BTBD10: variants seen among roughly 807,000 people sequenced by gnomAD.
BTBD10 encodes the protein BTB/POZ domain-containing protein 10.
In BTBD10, 21 loss-of-function variants were observed where a neutral mutation model predicts 53.2. That is an observed-to-expected ratio of 0.39 (90% CI 0.28 to 0.57). The LOEUF is 0.57. BTBD10 is among the 20% of genes least tolerant of loss of function. BTBD10 has a pLI of 0.53. For synonymous variants in BTBD10, 149 were observed against 192.7 expected (o/e 0.77, Z 1.88); for missense variants, 360 against 594.7 (o/e 0.61, Z 4.10).
chr11:13,413,700 G>A, intron 5 of BTBD10, 50 bp from the exon 6 acceptor site: 1 of 1,521,140 alleles, frequency 6.6e-7, no homozygotes, highest in Non-Finnish European at 8.8e-7. Context: ...GCATAAGGTA[G>A]CCAAAACTTA....
At chr11:13,459,046 T>A (rs7103220) in intron 1 of BTBD10, among the ~76,000 whole-genome samples, 7,412 of 130,568 alleles carry the variant, frequency 0.057, 274 homozygotes, top group African/African-American at 0.12. Context: ...TTATTTATTT[T>A]TTTATTTATT....
At chr11:13,462,829 C>G (rs2134077244) in intron 1 of BTBD10, 1 of 152,384 alleles carries the variant, frequency 6.6e-6, no homozygotes, top group African/African-American at 2.4e-5. Flanking sequence ...GCCTTCATCC[C>G]CGGAGAAAGG....
intron 2 of BTBD10, among the ~76,000 whole-genome samples, chr11:13,443,127 G>A (rs1035455064): frequency 2.0e-5 from 3 of 152,026 alleles, no homozygotes; most frequent in Non-Finnish European, 4.4e-5. Flanking sequence ...AGCGGTGCAT[G>A]CCTGTAGTCC....
intron 2 of BTBD10, among the ~76,000 whole-genome samples, chr11:13,444,473 A>T (rs1299943832): frequency 6.6e-6 from 1 of 152,192 alleles, no homozygotes; most frequent in Non-Finnish European, 1.5e-5. Context: ...TGAAAGTTTT[A>T]AAAATAATAG....
intron 1 of BTBD10, among the ~76,000 whole-genome samples, chr11:13,459,046 T>TTTATTTA (rs1565277434): frequency 1.2e-4 from 16 of 130,652 alleles, no homozygotes; most frequent in African/African-American, 4.5e-4. Context: ...TTATTTATTT[T>TTTATTTA]TTTATTTATT....
At chr11:13,423,161 T>G (rs757749886) in intron 2 of BTBD10, among the ~76,000 whole-genome samples, 2 of 152,132 alleles carry the variant, frequency 1.3e-5, no homozygotes, top group Non-Finnish European at 2.9e-5. Flanking sequence ...AGAAAACTGA[T>G]GATAATAAAA....
At chr11:13,427,766 A>G (rs745769685) in intron 2 of BTBD10, among the ~76,000 whole-genome samples, 1 of 152,204 alleles carries the variant, frequency 6.6e-6, no homozygotes, top group Non-Finnish European at 1.5e-5. Flanking sequence ...ATTTAATCAT[A>G]CAAAGTATGT....
chr11:13,438,848 A>C (rs1950594033), intron 2 of BTBD10, among the ~76,000 whole-genome samples: 2 of 152,036 alleles, frequency 1.3e-5, no homozygotes. Context: ...TATCCTATAA[A>C]GTATAAGATT....
At chr11:13,414,364 C>A (rs1430073568) in intron 5 of BTBD10, among the ~76,000 whole-genome samples, 1 of 152,110 alleles carries the variant, frequency 6.6e-6, no homozygotes, top group Non-Finnish European at 1.5e-5. Context: ...AAAATTAAGA[C>A]CTGGCTCAGC....
chr11:13,404,023 G>C (rs1443203004), intron 7 of BTBD10, among the ~76,000 whole-genome samples: 1 of 151,966 alleles, frequency 6.6e-6, no homozygotes, highest in Non-Finnish European at 1.5e-5. Context: ...GAACTGCAAA[G>C]GTTTTTTCAA....
Position 13,389,022 on chromosome 11 carries a change from G to A in BTBD10, c.1237C>T (p.Arg413Trp). ...TTTACACACTGAAAGTCTACATGCC[G>A]ACTCTTTCCTTCTTCCTTCTCCCAG... The part of the protein sequence containing the change: ...MSWEKEEGKS[R>W]HVDFQCVKSK... Residue 413 changes from arginine to tryptophan, a missense_variant, in exon 9 of 9, where the codon CGG becomes TGG. Arg to Trp is a moderately radical substitution (Grantham distance 101, BLOSUM62 -3). Transcript: ENST00000278174. The A allele has an allele frequency of 6.2e-7, 1 of 1,614,016 alleles. No individual in the cohort carries two copies. The highest frequency in any genetic ancestry group is 8.5e-7 in the Non-Finnish European group (1 of 1,180,042).
At chr11:13,393,998 A>C (rs1949472222) in intron 8 of BTBD10, among the ~76,000 whole-genome samples, 1 of 152,212 alleles carries the variant, frequency 6.6e-6, no homozygotes, top group African/African-American at 2.4e-5. Context: ...CCAGCTGATA[A>C]ATGTAAAAGG....
At chr11:13,405,421 T>C in intron 7 of BTBD10, 1 of 497,312 alleles carries the variant, frequency 2.0e-6, no homozygotes, top group Admixed American at 3.5e-5. Flanking sequence ...TATTCTTCTG[T>C]ACAGGGACAT....
At chr11:13,441,719 C>G (rs951334875) in intron 2 of BTBD10, among the ~76,000 whole-genome samples, 2 of 151,934 alleles carry the variant, frequency 1.3e-5, no homozygotes, top group Non-Finnish European at 2.9e-5. Flanking sequence ...TAGAACAAAA[C>G]AAAACACAAA....
intron 2 of BTBD10, among the ~76,000 whole-genome samples, chr11:13,442,777 T>C (rs188852966): frequency 4.1e-4 from 63 of 152,312 alleles, no homozygotes; most frequent in Middle Eastern, 3.4e-3. Flanking sequence ...CAAGTTCTCA[T>C]TAATACTTGC....
intron 2 of BTBD10, among the ~76,000 whole-genome samples, chr11:13,441,180 C>A (rs536229452): frequency 2.6e-5 from 4 of 152,224 alleles, no homozygotes; most frequent in Non-Finnish European, 5.9e-5. Flanking sequence ...GCTGAGAGAT[C>A]ATAGGCACCC....
chr11:13,442,840 A>G (rs1305418174), intron 2 of BTBD10, among the ~76,000 whole-genome samples: 1 of 152,182 alleles, frequency 6.6e-6, no homozygotes, highest in Admixed American at 6.5e-5. Flanking sequence ...TTCAAAAAGT[A>G]ACACTTTTAA....
In BTBD10 at chr11:13,413,626, G is replaced by A. The variant is rs201299329; in HGVS notation, c.712C>T (p.Arg238Cys). 1.9e-5 allele frequency: 31 copies of A among 1,610,352 alleles called. No individual in the cohort carries two copies. The highest frequency in any genetic ancestry group is 3.3e-5 in the South Asian group (3 of 90,516). Residue 238 changes from arginine to cysteine, a missense_variant, in exon 6 of 9, where the codon CGT (arginine) becomes TGT (cysteine). By Grantham distance (180) the Arg-to-Cys change is radical (BLOSUM62 -3). Coordinates refer to ENST00000278174, the MANE Select transcript of BTBD10 (RefSeq NM_032320.7). The part of the protein sequence containing the change: ...ILDYYKTGII[R>C]CPDGISIPEL... ...GGAATAGATATGCCATCAGGACAAC[G>A]GATTATTCCTGTTTTATAGTAATCC...
intron 8 of BTBD10, among the ~76,000 whole-genome samples, chr11:13,402,038 A>G (rs58916325): frequency 0.015 from 2,336 of 152,218 alleles, 63 homozygotes; most frequent in African/African-American, 0.053. Context: ...TGTCCTCCCA[A>G]TCTAAAGTAG....
Sources: allele counts gnomAD v4.1 joint callset (sites outside exome capture counted in the v4.1 genomes callset), GRCh38; gene constraint gnomAD v4.1.1; transcripts MANE v1.5; gene names NCBI Gene and HGNC (gene_info 2026-07-23, HGNC 2026-07-21).